APBB2: variants seen among roughly 807,000 people sequenced by gnomAD.
APBB2 encodes the protein amyloid beta precursor protein binding family B member 2.
A neutral mutation model predicts 82.5 loss-of-function variants in APBB2; 38 were observed. The ratio of observed to expected loss-of-function variants is 0.46; its 90% confidence interval spans 0.36 to 0.60. The LOEUF is 0.60. APBB2 is among the 20% of genes least tolerant of loss of function. The pLI is 0.00. For missense variants in APBB2, 772 were observed against 972.3 expected, an observed-to-expected ratio of 0.79 and a Z score of 2.74; for synonymous variants, 341 against 368.2, an observed-to-expected ratio of 0.93 and a Z score of 0.85.
intron 10 of APBB2, among the ~76,000 whole-genome samples, chr4:40,910,802 G>A: frequency 6.6e-6 from 1 of 152,268 alleles, no homozygotes. Flanking sequence ...CCCTATTTGT[G>A]CCTTCAGCAC....
chr4:41,186,582 C>T (rs576649264), intron 1 of APBB2, among the ~76,000 whole-genome samples: 3 of 137,286 alleles, frequency 2.2e-5, no homozygotes, highest in African/African-American at 9.9e-5. Context: ...CCTATGGAAA[C>T]ACTCAGTATT....
At chr4:41,184,025 G>A (rs937702831) in intron 1 of APBB2, among the ~76,000 whole-genome samples, 9 of 151,562 alleles carry the variant, frequency 5.9e-5, no homozygotes, top group Admixed American at 1.3e-4. Flanking sequence ...GGGAGACAGC[G>A]ACAGATCATC....
At chr4:40,818,452 G>T (rs2465537) in intron 17 of APBB2, among the ~76,000 whole-genome samples, 121,375 of 152,234 alleles carry the variant, frequency 0.8, 48,621 homozygotes, top group Admixed American at 0.83. Flanking sequence ...TAATTAAGTC[G>T]GAAAGCCATT....
At chr4:41,012,427 T>C (rs1808638970) in intron 6 of APBB2, among the ~76,000 whole-genome samples, 2 of 152,150 alleles carry the variant, frequency 1.3e-5, no homozygotes, top group East Asian at 3.9e-4. Context: ...TTACTGAACA[T>C]AATTATGATT....
chr4:41,211,171 C>T (rs1031250274), intron 1 of APBB2, among the ~76,000 whole-genome samples: 2 of 152,026 alleles, frequency 1.3e-5, no homozygotes, highest in East Asian at 1.9e-4. Context: ...AGGAGAATTA[C>T]TTGAACCTGG....
At chr4:40,937,252 GA>G (rs1785597063) in intron 7 of APBB2, among the ~76,000 whole-genome samples, 1 of 152,120 alleles carries the variant, frequency 6.6e-6, no homozygotes, top group Non-Finnish European at 1.5e-5. Context: ...CTCACAAAAA[GA>G]ATTTCAGAAA....
intron 10 of APBB2, among the ~76,000 whole-genome samples, chr4:40,893,663 A>G (rs182459420): frequency 8.5e-5 from 13 of 152,310 alleles, no homozygotes; most frequent in African/African-American, 3.1e-4. Flanking sequence ...CTTCCTTAGA[A>G]TAGGTTACTA....
At chr4:41,145,645 C>G (rs2154023812) in intron 1 of APBB2, among the ~76,000 whole-genome samples, 1 of 152,324 alleles carries the variant, frequency 6.6e-6, no homozygotes. Flanking sequence ...GTGTCCTGAA[C>G]AGAAACTGCC....
chr4:41,165,233 G>A (rs929046233), intron 1 of APBB2, among the ~76,000 whole-genome samples: 6 of 152,132 alleles, frequency 3.9e-5, no homozygotes, highest in Admixed American at 6.5e-5. Context: ...TGCACAGGAG[G>A]GTCCTAAGAG....
At chr4:41,043,960 T>C (rs1722459349) in intron 4 of APBB2, among the ~76,000 whole-genome samples, 1 of 152,196 alleles carries the variant, frequency 6.6e-6, no homozygotes. Context: ...GGAGCTAGAT[T>C]CAGAGGCTTG....
At chr4:40,974,927 C>T (rs1796784811) in intron 6 of APBB2, among the ~76,000 whole-genome samples, 2 of 152,368 alleles carry the variant, frequency 1.3e-5, no homozygotes, top group South Asian at 4.1e-4. Context: ...ATTTTACTTA[C>T]ATACCCCTTT....
intron 5 of APBB2, among the ~76,000 whole-genome samples, chr4:41,021,218 C>A (rs1811396421): frequency 6.6e-6 from 1 of 152,212 alleles, no homozygotes. Context: ...CTTTCACTGG[C>A]CTAAAGAGTT....
intron 6 of APBB2, among the ~76,000 whole-genome samples, chr4:41,008,289 G>C (rs537464726): frequency 6.6e-6 from 1 of 152,258 alleles, no homozygotes; most frequent in South Asian, 2.1e-4. Context: ...CCAGTAACTC[G>C]GGTTATTCAG....
At chr4:41,132,810 T>C (rs1296666229) in intron 2 of APBB2, among the ~76,000 whole-genome samples, 2 of 151,952 alleles carry the variant, frequency 1.3e-5, no homozygotes, top group Non-Finnish European at 2.9e-5. Flanking sequence ...AACTGACAAA[T>C]GAACATTAGA....
At chr4:41,039,852 T>A (rs1465560242) in intron 4 of APBB2, among the ~76,000 whole-genome samples, 1 of 128,322 alleles carries the variant, frequency 7.8e-6, no homozygotes, top group African/African-American at 3.0e-5. Context: ...AAAAAAAAAA[T>A]ACTCACTGCT....
intron 1 of APBB2, among the ~76,000 whole-genome samples, chr4:41,159,911 AG>A (rs1401797959): frequency 0.25 from 3,422 of 13,512 alleles, 366 homozygotes; most frequent in Admixed American, 0.27. Flanking sequence ...AAGGAGAAGG[AG>A]GAGGAGGAGG....
At chr4:41,141,572 T>A (rs1393981310) in intron 2 of APBB2, among the ~76,000 whole-genome samples, 1 of 152,208 alleles carries the variant, frequency 6.6e-6, no homozygotes, top group African/African-American at 2.4e-5. Flanking sequence ...ATAGTTGCAA[T>A]AAGAATACTA....
At chr4:41,110,199 C>A (rs1409664457) in intron 2 of APBB2, among the ~76,000 whole-genome samples, 2 of 152,240 alleles carry the variant, frequency 1.3e-5, no homozygotes, top group African/African-American at 4.8e-5. Context: ...ATGCAAGGCC[C>A]GTGGCTGCCA....
intron 5 of APBB2, among the ~76,000 whole-genome samples, chr4:41,020,864 C>G (rs1179332284): frequency 6.6e-6 from 1 of 152,202 alleles, no homozygotes; most frequent in South Asian, 2.1e-4. Context: ...GAAAGGAGGA[C>G]TGCTGCACCT....
Sources: gnomAD v4.1 joint callset for allele counts (sites outside exome capture counted in the v4.1 genomes callset) on GRCh38, gnomAD v4.1.1 for gene constraint, MANE v1.5 for transcripts, NCBI Gene and HGNC (gene_info 2026-07-23, HGNC 2026-07-21) for gene names.